Variants in DDX6 observed in about 807,000 individuals in gnomAD.
The protein encoded by DDX6 is probable ATP-dependent RNA helicase DDX6.
Under a neutral mutation model 60.6 loss-of-function variants are expected in DDX6, and 7 were observed. The ratio of observed to expected loss-of-function variants is 0.12; its 90% CI spans 0.07 to 0.22. The LOEUF (loss-of-function observed/expected upper bound fraction) is 0.22. Ranked by LOEUF, DDX6 falls within the 10% of genes least tolerant of loss-of-function variation. The pLI is 1.00. For synonymous variants in DDX6, 207 were observed against 201.0 expected (o/e 1.03, Z -0.25); for missense variants, 270 against 589.9 (o/e 0.46, Z 5.62).
chr11:118,783,080 CTATT>C, intron 2 of DDX6, among the ~76,000 whole-genome samples: 1 of 118,838 alleles, frequency 8.4e-6, no homozygotes, highest in East Asian at 2.6e-4. Flanking sequence ...GATGAAAAAA[CTATT>C]TAAAATGAGA....
Position 118,756,277 on chromosome 11 carries a change from C to T in DDX6, c.1157G>A (p.Arg386His). The change falls in exon 11 of 14, where the codon CGC becomes CAC. Residue 386 changes from arginine (R) to histidine (H), a missense_variant. Around this residue, in one of 8 missense-constraint regions of DDX6, gnomAD observed 69 missense variants for 208.2 expected, o/e 0.33. Coordinates refer to ENST00000534980, the MANE Select transcript of DDX6 (RefSeq NM_004397.6). ...VFHDFRNGLC[R>H]NLVCTDLFTR... ...ATACTTACCAGTGCAAACAAGATTG[C>T]GGCATAAGCCATTTCGGAAATCATG... 6.2e-7 allele frequency: 1 copy of T among 1,613,058 alleles called. No homozygotes were observed. The highest frequency in any genetic ancestry group is 8.5e-7 in the Non-Finnish European group (1 of 1,179,348).
intron 4 of DDX6, among the ~76,000 whole-genome samples, chr11:118,771,375 T>C (rs781980862): frequency 7.9e-5 from 12 of 152,212 alleles, no homozygotes; most frequent in Non-Finnish European, 1.8e-4. Flanking sequence ...TGACAGGGAT[T>C]ATACCCTACA....
chr11:118,772,003 T>G (rs1405273287), intron 4 of DDX6, among the ~76,000 whole-genome samples: 2 of 146,520 alleles, frequency 1.4e-5, no homozygotes, highest in Non-Finnish European at 3.0e-5. Flanking sequence ...TTATCCTTAA[T>G]AGCCAGTTCC....
intron 4 of DDX6, among the ~76,000 whole-genome samples, chr11:118,774,892 G>A (rs373307767): frequency 6.6e-6 from 1 of 152,168 alleles, no homozygotes; most frequent in East Asian, 1.9e-4. Context: ...TTTAGGAATG[G>A]GGGAGGGATG....
chr11:118,759,017 G>T, intron 8 of DDX6, 115 bp from the exon 9 acceptor site: 2 of 1,351,632 alleles, frequency 1.5e-6, no homozygotes, highest in Non-Finnish European at 2.0e-6. Context: ...TGTAAGGGAC[G>T]CAACTCTCTT....
In DDX6 at chr11:118,791,081, C is replaced by T. The variant is rs912690106; in HGVS notation, c.-268+17G>A. 5 of 151,834 alleles carry T rather than the reference C, an allele frequency of 3.3e-5. No homozygotes were observed. Among genetic ancestry groups the T allele is most frequent in the Admixed American group, 1.3e-4 (2 of 15,238 alleles). The allele number at this position is 151,834 out of a possible 1,614,324, so 9.4% of individuals were successfully genotyped here. On this transcript the variant is annotated intron_variant, in intron 1 of 13. Transcript: ENST00000534980. ...CAGCCGCCCGAGCCGCCGGCTCCCC[C>T]GGCTGTCCAGCCCTACCTCCTCCGC...
At chr11:118,776,338 A>G (rs782500196) in intron 4 of DDX6, among the ~76,000 whole-genome samples, 1 of 152,160 alleles carries the variant, frequency 6.6e-6, no homozygotes, top group Non-Finnish European at 1.5e-5. Context: ...ATAGGTCAGG[A>G]GTCTAAGACT....
At chr11:118,778,180 G>A (rs1229238745) in intron 4 of DDX6, among the ~76,000 whole-genome samples, 4 of 152,130 alleles carry the variant, frequency 2.6e-5, no homozygotes, top group African/African-American at 9.7e-5. Context: ...GAGCAGAGAT[G>A]AGATCAAGCA....
Position 118,751,482 on chromosome 11 carries a change from T to TG in DDX6, c.*622dup, listed in dbSNP as rs1860767418. 6.6e-6 allele frequency: 1 copy of TG among 152,142 alleles called. No individual in the cohort carries two copies. Among genetic ancestry groups the TG allele is most frequent in the South Asian group, 2.1e-4 (1 of 4,846 alleles). 9.4% of individuals were successfully genotyped at this position (152,142 alleles called of 1,614,324 possible). ...ACTAGTGAGTTTCAACTTCTAGCCC[T>TG]GGGCTCGAGTACTGGGTAGAAAGGG... On this transcript the variant is annotated 3_prime_UTR_variant, in exon 14 of 14. Coordinates refer to ENST00000534980, the MANE Select transcript of DDX6 (RefSeq NM_004397.6).
Position 118,757,151 on chromosome 11 carries a change from AG to A in DDX6, c.1110+19del. 1 of 1,202,748 alleles carries A rather than the reference AG, an allele frequency of 8.3e-7. No individual in the cohort carries two copies. The highest frequency in any genetic ancestry group is 1.2e-6 in the Non-Finnish European group (1 of 864,262). The allele number at this position is 1,202,748 out of a possible 1,614,324, so 74.5% of individuals were successfully genotyped here. ...AGAGATTTCTTATTAAATTTGTGCA[AG>A]TTCTAGTTTTATACTCACCTGCCTC... On this transcript the variant is annotated intron_variant, in intron 10 of 13. Coordinates refer to ENST00000534980, the MANE Select transcript of DDX6 (RefSeq NM_004397.6).
intron 4 of DDX6, among the ~76,000 whole-genome samples, chr11:118,771,152 A>G (rs1484255378): frequency 6.6e-6 from 1 of 152,140 alleles, no homozygotes. Flanking sequence ...GGCTGCCTGC[A>G]CACTACTCAG....
intron 4 of DDX6, 39 bp from the exon 5 acceptor site, chr11:118,768,391 T>C: frequency 6.2e-7 from 1 of 1,606,166 alleles, no homozygotes; most frequent in African/African-American, 1.3e-5. Flanking sequence ...CTTCTGAATG[T>C]AGTACACAAG....
intron 4 of DDX6, among the ~76,000 whole-genome samples, chr11:118,769,678 C>T (rs61901408): frequency 8.6e-5 from 13 of 152,042 alleles, no homozygotes; most frequent in Non-Finnish European, 1.5e-4. Context: ...AAAGCTTGAT[C>T]GTTGAAAAAT....
At chr11:118,765,454 T>A (rs1861318325) in intron 5 of DDX6, 99 bp from the exon 6 acceptor site, 2 of 1,281,260 alleles carry the variant, frequency 1.6e-6, no homozygotes, top group South Asian at 2.5e-5. Flanking sequence ...ATAGAAATAC[T>A]GCGCCTTATG....
chr11:118,770,398 G>C (rs2137485965), intron 4 of DDX6, among the ~76,000 whole-genome samples: 1 of 152,220 alleles, frequency 6.6e-6, no homozygotes, highest in African/African-American at 2.4e-5. Context: ...TCCCTTCTAT[G>C]CCTGGGCTAA....
chr11:118,785,018 T>G (rs1231146795), intron 2 of DDX6, among the ~76,000 whole-genome samples: 1 of 152,260 alleles, frequency 6.6e-6, no homozygotes, highest in Non-Finnish European at 1.5e-5. Flanking sequence ...TCCGCCCACC[T>G]TGGCCTCCCA....
At chr11:118,752,619 A>G (rs1389030040) in intron 13 of DDX6, among the ~76,000 whole-genome samples, 4 of 152,142 alleles carry the variant, frequency 2.6e-5, no homozygotes, top group African/African-American at 9.7e-5. Context: ...TTTAAAAAAG[A>G]AAGAGAAAAA....
intron 4 of DDX6, among the ~76,000 whole-genome samples, chr11:118,769,324 G>A (rs1469028668): frequency 6.6e-6 from 1 of 152,126 alleles, no homozygotes; most frequent in Non-Finnish European, 1.5e-5. Context: ...AATCTCCAAT[G>A]TCTGTCCCAC....
intron 1 of DDX6, chr11:118,790,016 T>C (rs181616815): frequency 3.2e-4 from 49 of 152,334 alleles, no homozygotes; most frequent in Admixed American, 3.1e-3. Flanking sequence ...TCACAGATCG[T>C]AGTTAGCAAT....
Sources: allele counts gnomAD v4.1 joint callset (sites outside exome capture counted in the v4.1 genomes callset), GRCh38; gene constraint gnomAD v4.1.1; regional missense constraint gnomAD v4.1.1; transcripts MANE v1.5; gene names NCBI Gene and HGNC (gene_info 2026-07-23, HGNC 2026-07-21).